The following SMIM35 variants were observed in gnomAD, a reference collection of about 807,000 sequenced individuals.
The protein encoded by SMIM35 is small integral membrane protein 35, also known as TMPRSS4 antisense RNA 1 (non-protein coding).
intron 4 of SMIM35, among the ~76,000 whole-genome samples, chr11:118,013,523 G>A (rs1272626805): frequency 2.0e-5 from 3 of 152,300 alleles, no homozygotes; most frequent in African/African-American, 2.4e-5. Flanking sequence ...AGGAAAGGCC[G>A]GGCATGGATT....
intron 1 of SMIM35, among the ~76,000 whole-genome samples, chr11:118,053,307 AACACACACACACACAC>A (rs57912361): frequency 0.041 from 5,796 of 142,090 alleles, 191 homozygotes; most frequent in East Asian, 0.19. Flanking sequence ...GACTCTCTAA[AACACACACACACACAC>A]ACACACACAC....
intron 1 of SMIM35, among the ~76,000 whole-genome samples, chr11:118,038,375 A>G (rs940431053): frequency 3.3e-5 from 5 of 152,232 alleles, no homozygotes; most frequent in Non-Finnish European, 5.9e-5. Flanking sequence ...AATTTGTCAC[A>G]TCCAGTGTAG....
chr11:118,017,487 G>A (rs552956707), intron 1 of SMIM35, among the ~76,000 whole-genome samples: 3 of 152,258 alleles, frequency 2.0e-5, no homozygotes, highest in East Asian at 1.9e-4. Context: ...AGGGAGACAG[G>A]CAATAAACTA....
intron 1 of SMIM35, among the ~76,000 whole-genome samples, chr11:118,020,249 G>A (rs1305328774): frequency 1.3e-5 from 2 of 152,176 alleles, no homozygotes; most frequent in Non-Finnish European, 2.9e-5. Context: ...CTGGGTGAGA[G>A]AGCGAGACTC....
intron 1 of SMIM35, among the ~76,000 whole-genome samples, chr11:118,016,641 T>C (rs990070512): frequency 6.6e-6 from 1 of 152,230 alleles, no homozygotes; most frequent in Non-Finnish European, 1.5e-5. Flanking sequence ...AGGTGCAGGC[T>C]AGCATCTGAA....
chr11:118,064,737 G>C (rs948620701), intron 1 of SMIM35, among the ~76,000 whole-genome samples: 1 of 151,972 alleles, frequency 6.6e-6, no homozygotes, highest in Non-Finnish European at 1.5e-5. Context: ...TCTACTTCCC[G>C]GGTCCGAGCC....
chr11:118,066,745 A>C (rs1344341540), intron 1 of SMIM35, among the ~76,000 whole-genome samples: 2 of 151,980 alleles, frequency 1.3e-5, no homozygotes, highest in Non-Finnish European at 2.9e-5. Flanking sequence ...GGATCACTTG[A>C]ACTGAGGAGA....
intron 1 of SMIM35, among the ~76,000 whole-genome samples, chr11:118,033,589 G>C (rs1212355357): frequency 6.6e-6 from 1 of 152,096 alleles, no homozygotes; most frequent in Non-Finnish European, 1.5e-5. Flanking sequence ...TTAGGGCAAG[G>C]CCTGCACTTA....
At chr11:118,078,832 T>G (rs564443147) in intron 1 of SMIM35, among the ~76,000 whole-genome samples, 1 of 152,230 alleles carries the variant, frequency 6.6e-6, no homozygotes, top group Admixed American at 6.5e-5. Context: ...CCTTCTCCCC[T>G]GCCCACGGAA....
At chr11:118,040,760 T>A (rs1044145010) in intron 1 of SMIM35, among the ~76,000 whole-genome samples, 1 of 152,092 alleles carries the variant, frequency 6.6e-6, no homozygotes, top group Non-Finnish European at 1.5e-5. Context: ...GTAAAATACA[T>A]AATGTAAGGT....
At chr11:118,032,286 T>C (rs2058326139) in intron 1 of SMIM35, among the ~76,000 whole-genome samples, 1 of 152,214 alleles carries the variant, frequency 6.6e-6, no homozygotes, top group African/African-American at 2.4e-5. Context: ...TAGTGTATTG[T>C]TATTAATTTT....
At chr11:118,071,199 A>G (rs1370534309) in intron 1 of SMIM35, among the ~76,000 whole-genome samples, 1 of 152,200 alleles carries the variant, frequency 6.6e-6, no homozygotes, top group Non-Finnish European at 1.5e-5. Flanking sequence ...CAAGTCAGGC[A>G]TGTGGAAGGG....
At chr11:118,042,323 CAATG>C (rs1944018862) in intron 1 of SMIM35, among the ~76,000 whole-genome samples, 3 of 152,002 alleles carry the variant, frequency 2.0e-5, no homozygotes, top group African/African-American at 7.2e-5. Flanking sequence ...ATAAGAAATA[CAATG>C]AACAGTTGTA....
In SMIM35 at chr11:118,024,035, A is replaced by G. The variant is rs147309257; in HGVS notation, c.8-8226T>C. ...TTCTCCAAAAAAAAAAAAGAAAGAA[A>G]GAAAGAAAAGAGTATTAGTGAGGTG... On this transcript the variant is annotated intron_variant, in intron 1 of 4. Coordinates refer to ENST00000689828, the MANE Select transcript of SMIM35 (RefSeq NM_001394165.1). Among the ~76,000 whole-genome samples, 525 of 152,122 alleles carry G rather than the reference A, an allele frequency of 3.5e-3. 2 individuals carry two copies. Among genetic ancestry groups the G allele is most frequent in the African/African-American group, 0.011 (463 of 41,500 alleles).
At chr11:118,069,773 C>G (rs1022291061) in intron 1 of SMIM35, among the ~76,000 whole-genome samples, 1 of 152,116 alleles carries the variant, frequency 6.6e-6, no homozygotes, top group Non-Finnish European at 1.5e-5. Flanking sequence ...GAAAGAAGTT[C>G]ATACAAGGCC....
At chr11:118,011,432 C>T (rs563814711) in intron 4 of SMIM35, among the ~76,000 whole-genome samples, 66 of 152,304 alleles carry the variant, frequency 4.3e-4, no homozygotes, top group Middle Eastern at 3.4e-3. Context: ...CAGCTGACAC[C>T]TATAATCCCA....
At chr11:118,082,969 G>C (rs988195765) in intron 1 of SMIM35, among the ~76,000 whole-genome samples, 2 of 152,132 alleles carry the variant, frequency 1.3e-5, no homozygotes. Context: ...CAGAATCCTC[G>C]TATGGGACAC....
At chr11:118,037,255 AG>A (rs1333005952) in intron 1 of SMIM35, among the ~76,000 whole-genome samples, 1 of 152,250 alleles carries the variant, frequency 6.6e-6, no homozygotes, top group Non-Finnish European at 1.5e-5. Context: ...ATCAGAGCAT[AG>A]GCTAGCAGGC....
chr11:118,064,193 G>T (rs894301713), intron 1 of SMIM35, among the ~76,000 whole-genome samples: 1 of 152,226 alleles, frequency 6.6e-6, no homozygotes, highest in Non-Finnish European at 1.5e-5. Context: ...GGTCACAGAA[G>T]TCTATTGCGT....
Sources: allele counts gnomAD v4.1 joint callset (sites outside exome capture counted in the v4.1 genomes callset), GRCh38; gene constraint gnomAD v4.1.1; transcripts MANE v1.5; gene names NCBI Gene and HGNC (gene_info 2026-07-23, HGNC 2026-07-21).